The following CLNK variants were observed in gnomAD, a reference collection of about 807,000 sequenced individuals.
The protein encoded by CLNK is cytokine-dependent hematopoietic cell linker.
CLNK carries 74 observed loss-of-function variants against 68.6 expected under a neutral mutation model. The observed-to-expected ratio is 1.08, with a 90% confidence interval of 0.89 to 1.31. The LOEUF (loss-of-function observed/expected upper bound fraction) is 1.31, where lower values mean the gene tolerates loss of function less well. Ranked by LOEUF, CLNK falls within the 50% of genes most tolerant of loss-of-function variation. The pLI is 0.00. For synonymous variants in CLNK, 198 were observed against 172.2 expected, an observed-to-expected ratio of 1.15 and a Z score of -1.17; for missense variants, 553 against 515.3, an observed-to-expected ratio of 1.07 and a Z score of -0.71.
chr4:10,556,103 G>T (rs985593237), intron 8 of CLNK, among the ~76,000 whole-genome samples: 1 of 152,096 alleles, frequency 6.6e-6, no homozygotes, highest in African/African-American at 2.4e-5. Flanking sequence ...TTTACAAAAC[G>T]CTCATATTTT....
At chr4:10,561,836 A>C (rs1198985560) in intron 7 of CLNK, among the ~76,000 whole-genome samples, 8 of 151,984 alleles carry the variant, frequency 5.3e-5, no homozygotes, top group Admixed American at 5.2e-4. Context: ...TGAACTGGGG[A>C]AAGACTCGGT....
the CLNK span, among the ~76,000 whole-genome samples, chr4:10,703,446 C>T: frequency 1.3e-5 from 2 of 152,288 alleles, no homozygotes; most frequent in African/African-American, 4.8e-5. Flanking sequence ...TGCCTGCACC[C>T]TCTGCTATGT....
At chr4:10,503,521 T>TAAA (rs1306239369) in intron 17 of CLNK, among the ~76,000 whole-genome samples, 1 of 148,684 alleles carries the variant, frequency 6.7e-6, no homozygotes, top group Non-Finnish European at 1.5e-5. Context: ...GCTATAATAA[T>TAAA]AAATTATGAT....
Position 10,487,280 on chromosome 4 carries a change from G to A in CLNK, c.*3187C>T, listed in dbSNP as rs961036050. ...AGGATAATTGCATATGGAGACCTTG[G>A]TTCCAGTCGCGACTATGTCACTGTG... is the stretch of plus-strand genomic sequence containing the variant. On this transcript the variant is annotated 3_prime_UTR_variant, in exon 19 of 19. Transcript: ENST00000226951. 2 of 152,172 alleles carry A rather than the reference G, an allele frequency of 1.3e-5. No homozygotes were observed. The highest frequency in any genetic ancestry group is 4.8e-5 in the African/African-American group (2 of 41,434). The allele number at this position is 152,172 out of a possible 1,614,324, so 9.4% of individuals were successfully genotyped here. A position where few individuals can be genotyped will look rare whatever the true frequency, so the allele number is the denominator to read the frequency against.
At chr4:10,648,415 C>T (rs188404541) in intron 2 of CLNK, among the ~76,000 whole-genome samples, 79 of 152,322 alleles carry the variant, frequency 5.2e-4, no homozygotes, top group Admixed American at 5.0e-3. Context: ...ATGTGCTTTA[C>T]ATACATTATA....
the CLNK span, among the ~76,000 whole-genome samples, chr4:10,721,945 G>A: frequency 6.6e-6 from 1 of 152,156 alleles, no homozygotes; most frequent in Non-Finnish European, 1.5e-5. Context: ...TAGAGGACAA[G>A]GCTGGCAGAT....
intron 18 of CLNK, among the ~76,000 whole-genome samples, chr4:10,494,266 C>A (rs1248782584): frequency 6.6e-6 from 1 of 152,142 alleles, no homozygotes; most frequent in African/African-American, 2.4e-5. Context: ...GGAAATCTTT[C>A]CTAGTTTCAG....
chr4:10,603,739 T>C (rs1317958380), intron 2 of CLNK, among the ~76,000 whole-genome samples: 1 of 152,220 alleles, frequency 6.6e-6, no homozygotes, highest in East Asian at 1.9e-4. Context: ...GTCTATGCAC[T>C]CCTGGGTGGC....
the CLNK span, among the ~76,000 whole-genome samples, chr4:10,700,232 C>T: frequency 2.6e-5 from 4 of 152,018 alleles, no homozygotes; most frequent in African/African-American, 4.8e-5. Context: ...ATGAAATAGG[C>T]TACATAGTAC....
At chr4:10,594,038 G>A (rs905410354) in intron 3 of CLNK, among the ~76,000 whole-genome samples, 1 of 152,092 alleles carries the variant, frequency 6.6e-6, no homozygotes, top group South Asian at 2.1e-4. Context: ...TAGGGCCTGC[G>A]TCTGTGTCTG....
intron 14 of CLNK, among the ~76,000 whole-genome samples, chr4:10,523,489 G>A (rs1185146847): frequency 6.6e-6 from 1 of 152,152 alleles, no homozygotes; most frequent in Non-Finnish European, 1.5e-5. Context: ...GAACTCTGAC[G>A]AATACCAACA....
At chr4:10,539,601 G>A (rs1202264567) in intron 11 of CLNK, among the ~76,000 whole-genome samples, 2 of 152,172 alleles carry the variant, frequency 1.3e-5, no homozygotes, top group African/African-American at 4.8e-5. Context: ...ACTCTTTTGG[G>A]AAAATGAAAT....
chr4:10,618,896 A>T (rs55839210), intron 2 of CLNK, among the ~76,000 whole-genome samples: 1 of 152,154 alleles, frequency 6.6e-6, no homozygotes, highest in African/African-American at 2.4e-5. Context: ...ACCAGGCCCC[A>T]CTTCCAGCAC....
chr4:10,597,926 T>A, intron 3 of CLNK, 52 bp downstream of exon 3: 1 of 1,254,578 alleles, frequency 8.0e-7, no homozygotes, highest in East Asian at 2.5e-5. Context: ...GCTTATTTGC[T>A]ACAGAATTAA....
chr4:10,522,572 CAAAAAAAA>C (rs58663693), intron 14 of CLNK, among the ~76,000 whole-genome samples: 2 of 116,436 alleles, frequency 1.7e-5, no homozygotes, highest in African/African-American at 3.3e-5. Context: ...GAAACTCTCT[CAAAAAAAA>C]AAAAAAAAAA....
At chr4:10,610,119 C>T (rs1243140864) in intron 2 of CLNK, among the ~76,000 whole-genome samples, 4 of 129,012 alleles carry the variant, frequency 3.1e-5, no homozygotes, top group East Asian at 2.4e-4. Context: ...TGCTGTGGCG[C>T]GATCTCCGCT....
chr4:10,646,055 G>A (rs1422362032), intron 2 of CLNK, among the ~76,000 whole-genome samples: 1 of 152,110 alleles, frequency 6.6e-6, no homozygotes, highest in East Asian at 1.9e-4. Context: ...ATGAATGGAA[G>A]AAAGCCTGGA....
chr4:10,499,847 G>A (rs1716967847), intron 18 of CLNK, among the ~76,000 whole-genome samples: 2 of 152,126 alleles, frequency 1.3e-5, no homozygotes. Flanking sequence ...GTGTGTGCCT[G>A]TGTCCTAATC....
chr4:10,537,666 T>TTC (rs1718831949), intron 11 of CLNK, among the ~76,000 whole-genome samples: 3 of 47,724 alleles, frequency 6.3e-5, no homozygotes, highest in South Asian at 9.7e-4. Context: ...TTTCTTTCTT[T>TTC]CTTTCTTTCT....
Sources: allele counts gnomAD v4.1 joint callset (sites outside exome capture counted in the v4.1 genomes callset), GRCh38; gene constraint gnomAD v4.1.1; transcripts MANE v1.5; gene names NCBI Gene and HGNC (gene_info 2026-07-23, HGNC 2026-07-21).